Variants in EVC observed in about 807,000 individuals in gnomAD.
EVC encodes the protein EvC ciliary complex subunit 1, also known as evC complex member EVC.
A neutral mutation model predicts 118.9 loss-of-function variants in EVC; 116 were observed. That is an observed-to-expected ratio of 0.98 (90% CI 0.84 to 1.14). EVC has a LOEUF of 1.14. EVC is among the 50% of genes most tolerant of loss of function. The probability of loss-of-function intolerance (pLI) is 0.00; values close to 1 mark genes in which losing one functional copy is unlikely to be tolerated. For missense variants in EVC, 1,401 were observed against 1,246.4 expected (o/e 1.12, Z -1.87); for synonymous variants, 619 against 534.7 (o/e 1.16, Z -2.18).
intron 3 of EVC, 87 bp downstream of exon 3, chr4:5,729,477 GAT>G: frequency 8.5e-6 from 11 of 1,300,914 alleles, no homozygotes; most frequent in Non-Finnish European, 1.2e-5. Context: ...TTAACTGTGT[GAT>G]GTTTGGTCCT....
intron 2 of EVC, among the ~76,000 whole-genome samples, chr4:5,728,950 A>G (rs918256288): frequency 6.6e-6 from 1 of 151,776 alleles, no homozygotes; most frequent in Non-Finnish European, 1.5e-5. Flanking sequence ...ATCCCCATCT[A>G]TTTTTTCATC....
At chr4:5,799,605 T>C (rs1714605895) in intron 15 of EVC, among the ~76,000 whole-genome samples, 1 of 152,154 alleles carries the variant, frequency 6.6e-6, no homozygotes, top group African/African-American at 2.4e-5. Context: ...CCTCGCTCGC[T>C]TCAGGCCACT....
chr4:5,821,630 A>G, the EVC span: 1,245 of 844,368 alleles, frequency 1.5e-3, 12 homozygotes, highest in African/African-American at 0.019. This position sits in a 1 kb window ranked among gnomAD's most constrained non-coding sequence, Gnocchi z 4.4. Flanking sequence ...GAAAAGGGAA[A>G]GAGCATCCTT....
At chr4:5,780,477 TATA>T (rs150168167) in intron 11 of EVC, among the ~76,000 whole-genome samples, 1,680 of 152,328 alleles carry the variant, frequency 0.011, 35 homozygotes, top group African/African-American at 0.038. Flanking sequence ...TGATAATAAT[TATA>T]ATAGAATGCC....
At chr4:5,786,644 C>T (rs148023864) in intron 12 of EVC, among the ~76,000 whole-genome samples, 417 of 152,224 alleles carry the variant, frequency 2.7e-3, no homozygotes, top group African/African-American at 8.8e-3. Flanking sequence ...GAGGCCAAGA[C>T]GGGCGGATCA....
Position 5,745,336 on chromosome 4 carries a change from G to T in EVC, c.934G>T (p.Asp312Tyr), listed in dbSNP as rs115275195. The T allele has an allele frequency of 5.0e-6, 8 of 1,613,802 alleles. No individual in the cohort carries two copies. Among genetic ancestry groups the T allele is most frequent in the Non-Finnish European group, 5.9e-6 (7 of 1,179,902 alleles). Residue 312 changes from aspartate (D) to tyrosine (Y), a missense_variant, in exon 7 of 21, where the codon GAT becomes TAT. Physicochemically the swap from Asp to Tyr is radical, Grantham distance 160 (BLOSUM62 -3). Coordinates refer to ENST00000264956, the MANE Select transcript of EVC (RefSeq NM_153717.3). ...KEREYSEQLI[D>Y]NMEAFWKQMA... ...GAGAGAATACTCTGAACAGCTAATCGATAATGTGCGTGCCAGACTTTCTTT... is the reference window on the plus strand; with the variant it reads ...GAGAGAATACTCTGAACAGCTAATCTATAATGTGCGTGCCAGACTTTCTTT...
chr4:5,814,328 G>C (rs989398118), downstream of EVC: 3 of 152,238 alleles, frequency 2.0e-5, no homozygotes, highest in African/African-American at 7.2e-5. Context: ...CTGTACTTGA[G>C]ACCGCAGGAT....
At chr4:5,803,797 G>C (rs781052657) in intron 16 of EVC, among the ~76,000 whole-genome samples, 1 of 152,186 alleles carries the variant, frequency 6.6e-6, no homozygotes, top group South Asian at 2.1e-4. Context: ...GCCTCCTGCC[G>C]TGGCCACTGA....
At chr4:5,825,443 C>T in the EVC span, 16 of 1,510,346 alleles carry the variant, frequency 1.1e-5, no homozygotes, top group Admixed American at 2.5e-5. This position sits in a 1 kb window ranked among gnomAD's most constrained non-coding sequence, Gnocchi z 4.4. Flanking sequence ...AGGAAGGACT[C>T]GGCCTGAACT....
At chr4:5,741,573 A>T (rs1252137287) in intron 5 of EVC, 143 bp from the exon 6 acceptor site, 1 of 584,174 alleles carries the variant, frequency 1.7e-6, no homozygotes, top group East Asian at 2.9e-5. Flanking sequence ...TTCAGCAAAA[A>T]ATATACGTGA....
At position 5,754,629 on chromosome 4, in the gene EVC, G is replaced by A. The variant is rs140779479; in HGVS notation, c.1464+696G>A. 0.015 allele frequency among the ~76,000 whole-genome samples: 2,319 copies of A among 152,174 alleles called. 64 individuals carry two copies. The highest frequency in any genetic ancestry group is 0.053 in the African/African-American group (2,203 of 41,518). On this transcript the variant is annotated intron_variant, in intron 10 of 20. Transcript: ENST00000264956. This position sits in a 1 kb window ranked among gnomAD's most constrained non-coding sequence, Gnocchi z 5.8. ...GGGCTGGGAGAGGACCAGCTTGTCC[G>A]TAACCGTCTTGCAGGCTGGTTAAGC...
chr4:5,711,850 G>T (rs999479412), intron 1 of EVC, among the ~76,000 whole-genome samples: 12 of 152,224 alleles, frequency 7.9e-5, no homozygotes, highest in Non-Finnish European at 2.9e-5. Flanking sequence ...CAAGGGTTTG[G>T]ACAGGACGCT....
rs1577617164 is a variant in EVC, at chr4:5,797,146, C to T, written c.2011C>T (p.Leu671=). The part of the protein sequence containing the change: ...QMRLSGKKHL[L]QELREQRALE... The stretch of plus-strand genomic sequence containing the variant: ...GCGGCTATCGGGGAAGAAGCACCTC[C>T]TGCAGGAGCTGCGGGAACAGCGTGC... The change falls in exon 14 of 21, where the codon CTG becomes TTG. Residue 671 remains leucine (L), a synonymous_variant. Transcript: ENST00000264956. The T allele has an allele frequency of 1.2e-6, 2 of 1,613,668 alleles. No homozygotes were observed. The highest frequency in any genetic ancestry group is 1.3e-5 in the African/African-American group (1 of 75,078).
chr4:5,763,641 A>G lies in EVC; in HGVS notation c.1563+7279A>G, dbSNP rs58115675. Among the ~76,000 whole-genome samples the G allele has an allele frequency of 2.3e-3, 229 of 97,772 alleles. 4 individuals are homozygous for G. The highest frequency in any genetic ancestry group is 0.013 in the Middle Eastern group (2 of 156). The allele number at this position is 97,772 out of a possible 152,430, so 64.1% of individuals were successfully genotyped here. A position where few individuals can be genotyped will look rare whatever the true frequency, so the allele number is the denominator to read the frequency against. On this transcript the variant is annotated intron_variant, in intron 11 of 20. Coordinates refer to ENST00000264956, the MANE Select transcript of EVC (RefSeq NM_153717.3). The stretch of plus-strand genomic sequence containing the variant: ...CATCCCTTGTAAGTAGGATTCCTAG[A>G]TATTTTATTCTCTTTGAAGCAATTG...
intron 16 of EVC, among the ~76,000 whole-genome samples, chr4:5,803,055 T>A (rs1015620869): frequency 5.3e-5 from 8 of 152,224 alleles, no homozygotes; most frequent in Non-Finnish European, 7.3e-5. Context: ...CCCAAGAATT[T>A]TCCCGCATGG....
In EVC at chr4:5,811,119, C is replaced by A. The variant is rs921827847; in HGVS notation, c.*82C>A. 20 of 1,147,686 alleles carry A rather than the reference C, an allele frequency of 1.7e-5. No individual in the cohort carries two copies. The African/African-American group carries it at 2.9e-4, about 17-fold the overall frequency. 71.1% of individuals were successfully genotyped at this position (1,147,686 alleles called of 1,614,324 possible). ...CCTTCCCTCCTGCAGTGCTGAGAGG[C>A]AGCGAGGACGGAGAGGACAGCGGCA... On this transcript the variant is annotated 3_prime_UTR_variant, in exon 21 of 21. Transcript: ENST00000264956.
chr4:5,730,865 G>T lies in EVC; in HGVS notation c.385-560G>T, dbSNP rs181638851. On this transcript the variant is annotated intron_variant, in intron 3 of 20. Transcript: ENST00000264956. ...CAGAGGTGGAGGCTGACATTTGCTGGGCCCTCTAGCCATGCCAGGCCCCAG... is the reference window on the plus strand; with the variant it reads ...CAGAGGTGGAGGCTGACATTTGCTGTGCCCTCTAGCCATGCCAGGCCCCAG... Among the ~76,000 whole-genome samples the T allele has an allele frequency of 3.9e-3, 591 of 152,130 alleles. 10 individuals are homozygous for T. Among genetic ancestry groups the T allele is most frequent in the Admixed American group, 0.016 (244 of 15,294 alleles).
rs115806848 is a variant in EVC at position 5,761,113 on chromosome 4, G to A, written c.1563+4751G>A. On this transcript the variant is annotated intron_variant, in intron 11 of 20. Coordinates refer to ENST00000264956, the MANE Select transcript of EVC (RefSeq NM_153717.3). ...GCGTCCTTGGGCCAGAGCCTGGACT[G>A]TTCTGAGCTCTGGTTTCCTTCTCTG... 9.2e-3 allele frequency among the ~76,000 whole-genome samples: 1,400 copies of A among 152,260 alleles called. 35 individuals carry two copies. Among genetic ancestry groups the A allele is most frequent in the African/African-American group, 0.032 (1,323 of 41,492 alleles).
At position 5,719,439 on chromosome 4, in the gene EVC, C is replaced by G; in HGVS notation, c.300+66C>G. 3.1e-6 allele frequency: 5 copies of G among 1,611,092 alleles called. No homozygotes were observed. Among genetic ancestry groups the G allele is most frequent in the Non-Finnish European group, 4.2e-6 (5 of 1,178,594 alleles). On this transcript the variant is annotated intron_variant, in intron 2 of 20. Coordinates refer to ENST00000264956, the MANE Select transcript of EVC (RefSeq NM_153717.3). The surrounding 1 kb of genome is among the most constrained non-coding windows in gnomAD (Gnocchi z 4.7). ...GGAGGTGGGGTATTCCCCCTGGAAGCCGGGTGTCATGTAGACAAGCCTCTG... is the reference window on the plus strand; with the variant it reads ...GGAGGTGGGGTATTCCCCCTGGAAGGCGGGTGTCATGTAGACAAGCCTCTG...
Sources: gnomAD v4.1 joint callset for allele counts (sites outside exome capture counted in the v4.1 genomes callset) on GRCh38, gnomAD v4.1.1 for gene constraint, Gnocchi (gnomAD v3.1) non-coding constraint, MANE v1.5 for transcripts, NCBI Gene and HGNC (gene_info 2026-07-23, HGNC 2026-07-21) for gene names.